The following NUMB variants were observed in gnomAD, a reference collection of about 807,000 sequenced individuals.
NUMB encodes NUMB endocytic adaptor protein, also known as protein numb homolog.
Under a neutral mutation model 59.7 loss-of-function variants are expected in NUMB, and 29 were observed. The ratio of observed to expected loss-of-function variants is 0.49; its 90% CI spans 0.36 to 0.66. The LOEUF (loss-of-function observed/expected upper bound fraction) is 0.66, where lower values mean the gene tolerates loss of function less well. Among genes scored for constraint, NUMB ranks in the 30% least tolerant of loss-of-function variants. The pLI, the probability that NUMB is intolerant of heterozygous loss-of-function variation, is 0.00. For synonymous variants in NUMB, 288 were observed against 288.2 expected, an observed-to-expected ratio of 1.00 and a Z score of 0.01; for missense variants, 723 against 822.0, an observed-to-expected ratio of 0.88 and a Z score of 1.47.
chr14:73,353,069 C>CTTTTTTTTTTTTTTTT (rs1566756859), intron 4 of NUMB, among the ~76,000 whole-genome samples: 5 of 18,082 alleles, frequency 2.8e-4, no homozygotes, highest in Admixed American at 7.5e-4. Flanking sequence ...CACAGTTTTT[C>CTTTTTTTTTTTTTTTT]TTGTTTTTTT....
At chr14:73,343,648 A>T (rs576601334) in intron 4 of NUMB, among the ~76,000 whole-genome samples, 26 of 152,212 alleles carry the variant, frequency 1.7e-4, no homozygotes, top group Middle Eastern at 3.2e-3. Flanking sequence ...TTATCCTAAT[A>T]CAAAAAACAT....
At chr14:73,302,431 G>C in intron 6 of NUMB, among the ~76,000 whole-genome samples, 1 of 139,046 alleles carries the variant, frequency 7.2e-6, no homozygotes, top group Admixed American at 7.5e-5. Context: ...TTTTTGAGAC[G>C]AGTCTTACTC....
chr14:73,333,811 A>T (rs1042075154), intron 4 of NUMB, among the ~76,000 whole-genome samples: 1 of 151,176 alleles, frequency 6.6e-6, no homozygotes, highest in African/African-American at 2.4e-5. Context: ...CCAGATCCAA[A>T]GTTGTTAAGA....
intron 4 of NUMB, among the ~76,000 whole-genome samples, chr14:73,350,755 T>C (rs1402950681): frequency 2.0e-5 from 3 of 150,952 alleles, no homozygotes; most frequent in Non-Finnish European, 4.4e-5. Context: ...TCTCGAACTC[T>C]TGGGCTCAAG....
At chr14:73,364,757 T>C (rs1894257610) in intron 3 of NUMB, among the ~76,000 whole-genome samples, 5 of 152,030 alleles carry the variant, frequency 3.3e-5, no homozygotes, top group Admixed American at 2.6e-4. Context: ...GCCTCCTGAA[T>C]AGCTGGGACT....
At chr14:73,340,106 A>T (rs1277766484) in intron 4 of NUMB, among the ~76,000 whole-genome samples, 2 of 152,204 alleles carry the variant, frequency 1.3e-5, no homozygotes, top group African/African-American at 4.8e-5. Context: ...ATGTTATAGA[A>T]GTGATTGTTT....
intron 6 of NUMB, among the ~76,000 whole-genome samples, chr14:73,301,144 T>G (rs959800698): frequency 2.6e-5 from 4 of 152,278 alleles, no homozygotes; most frequent in African/African-American, 9.6e-5. Flanking sequence ...AAATATTTGT[T>G]GAAAGAAAAA....
intron 3 of NUMB, among the ~76,000 whole-genome samples, chr14:73,359,529 A>G (rs2140030355): frequency 6.6e-6 from 1 of 152,348 alleles, no homozygotes; most frequent in South Asian, 2.1e-4. Flanking sequence ...GGATTGATTT[A>G]GCAAGGAACA....
intron 1 of NUMB, among the ~76,000 whole-genome samples, chr14:73,416,332 C>CTTTTTTT (rs3028740): frequency 7.1e-6 from 1 of 141,310 alleles, no homozygotes; most frequent in African/African-American, 2.6e-5. Flanking sequence ...TTTTTCTTTT[C>CTTTTTTT]TTTTTTTTTT....
At chr14:73,405,694 C>G (rs985044161) in intron 2 of NUMB, among the ~76,000 whole-genome samples, 1 of 152,076 alleles carries the variant, frequency 6.6e-6, no homozygotes, top group Non-Finnish European at 1.5e-5. Context: ...GAATGGAAAG[C>G]CTCCAGGAAC....
chr14:73,361,705 A>G (rs1372561218), intron 3 of NUMB, among the ~76,000 whole-genome samples: 2 of 152,130 alleles, frequency 1.3e-5, no homozygotes, highest in Non-Finnish European at 2.9e-5. Flanking sequence ...TAATTAAATA[A>G]TATTCTGTAT....
chr14:73,429,844 G>C (rs1199660421), intron 1 of NUMB, among the ~76,000 whole-genome samples: 11 of 151,682 alleles, frequency 7.3e-5, no homozygotes, highest in Admixed American at 7.2e-4. Flanking sequence ...TCAAGAGGCT[G>C]AGGCAAGAGA....
At chr14:73,419,708 C>T (rs977759394) in intron 1 of NUMB, among the ~76,000 whole-genome samples, 2 of 152,056 alleles carry the variant, frequency 1.3e-5, no homozygotes, top group Admixed American at 1.3e-4. Context: ...CACCCAAGAA[C>T]AGAAAGTCCC....
At chr14:73,354,100 T>C (rs1295865032) in intron 4 of NUMB, among the ~76,000 whole-genome samples, 2 of 152,222 alleles carry the variant, frequency 1.3e-5, no homozygotes, top group African/African-American at 4.8e-5. Context: ...AAGAATCACT[T>C]TTCCTGTCAT....
chr14:73,368,930 T>C (rs1477220629), intron 2 of NUMB, among the ~76,000 whole-genome samples: 1 of 152,216 alleles, frequency 6.6e-6, no homozygotes, highest in Non-Finnish European at 1.5e-5. Context: ...TAAAAACAAC[T>C]TAAACTAAAA....
rs118024178 is a variant in NUMB, at chr14:73,455,449, G to C, written c.-233+3044C>G. ...AAAACACGCTGTAAATTACATTTAG[G>C]TTCCTCAAACAAGTTAAGTTTACAA... is the stretch of plus-strand genomic sequence containing the variant. On this transcript the variant is annotated intron_variant, in intron 1 of 12. Coordinates refer to ENST00000555238, the MANE Select transcript of NUMB (RefSeq NM_001005743.2). Among the ~76,000 whole-genome samples the C allele has an allele frequency of 6.8e-3, 1,041 of 152,234 alleles. 5 individuals are homozygous for C. Among genetic ancestry groups the C allele is most frequent in the South Asian group, 0.03 (144 of 4,826 alleles).
chr14:73,436,065 G>C (rs1428754695), intron 1 of NUMB, among the ~76,000 whole-genome samples: 1 of 151,716 alleles, frequency 6.6e-6, no homozygotes, highest in Non-Finnish European at 1.5e-5. Context: ...ACAAAGTGTA[G>C]TATATTCATA....
intron 1 of NUMB, among the ~76,000 whole-genome samples, chr14:73,422,720 A>G (rs913099360): frequency 3.3e-5 from 5 of 152,062 alleles, no homozygotes; most frequent in Non-Finnish European, 7.4e-5. Context: ...AAACAACCAC[A>G]TCTCACGTAA....
At chr14:73,363,814 T>C (rs11159014) in intron 3 of NUMB, among the ~76,000 whole-genome samples, 39,065 of 152,028 alleles carry the variant, frequency 0.26, 5,833 homozygotes, top group East Asian at 0.68. Context: ...ACAGCCATGA[T>C]GGTGCACCCC....
Sources: allele counts gnomAD v4.1 joint callset (sites outside exome capture counted in the v4.1 genomes callset), GRCh38; gene constraint gnomAD v4.1.1; transcripts MANE v1.5; gene names NCBI Gene and HGNC (gene_info 2026-07-23, HGNC 2026-07-21).